The following RECQL5 variants were observed in gnomAD, a reference collection of about 807,000 sequenced individuals.
RECQL5 encodes RecQ like helicase 5, also known as ATP-dependent DNA helicase Q5.
A neutral mutation model predicts 103.4 loss-of-function variants in RECQL5; 88 were observed. That is an observed-to-expected ratio of 0.85 (90% CI 0.72 to 1.02). The LOEUF (loss-of-function observed/expected upper bound fraction) is 1.02, where lower values mean the gene tolerates loss of function less well. RECQL5 is among the 50% of genes least tolerant of loss of function. The probability of loss-of-function intolerance (pLI) is 0.00; values close to 1 mark genes in which losing one functional copy is unlikely to be tolerated. For synonymous variants in RECQL5, 552 were observed against 507.9 expected (o/e 1.09, Z -1.17); for missense variants, 1,232 against 1,284.3 (o/e 0.96, Z 0.62).
intron 8 of RECQL5, chr17:75,647,808 A>G (rs901752595): frequency 2.2e-6 from 1 of 461,746 alleles, no homozygotes; most frequent in South Asian, 3.6e-5. Context: ...GGGTTCCCCG[A>G]CCAGAACCCT....
intron 8 of RECQL5, chr17:75,633,651 G>A (rs746992195): frequency 1.5e-5 from 18 of 1,174,790 alleles, no homozygotes; most frequent in Non-Finnish European, 1.8e-5. Context: ...CCTGAGAGAG[G>A]CCAGAGGGAG....
rs552075479 is a variant in RECQL5, at chr17:75,628,430, T to A, written c.2593A>T (p.Ser865Cys). 6.2e-7 allele frequency: 1 copy of A among 1,613,472 alleles called. No individual in the cohort carries two copies. The highest frequency in any genetic ancestry group is 1.1e-5 in the South Asian group (1 of 91,078). Reference sequence around the variant, plus strand: ...GGGCGTGGCCTCTTCTGAGGCTGGCTCTCTGGGTTCTCCTGAGAAGGGCCA... The same window carrying A: ...GGGCGTGGCCTCTTCTGAGGCTGGCACTCTGGGTTCTCCTGAGAAGGGCCA... ...RPRSQQENPESQPQKRPRPSA... is the reference protein window; with the variant it reads ...RPRSQQENPECQPQKRPRPSA... Residue 865 changes from serine to cysteine, a missense_variant, in exon 18 of 20, where the codon AGC (serine) becomes TGC (cysteine). Coordinates refer to ENST00000317905, the MANE Select transcript of RECQL5 (RefSeq NM_004259.7).
chr17:75,665,228 G>T, intron 2 of RECQL5, 56 bp from the exon 3 acceptor site: 1 of 1,527,342 alleles, frequency 6.5e-7, no homozygotes, highest in Non-Finnish European at 9.0e-7. Context: ...CATTGAAGTT[G>T]TTGAAAATTA....
chr17:75,629,343 G>A lies in RECQL5; in HGVS notation c.2080C>T (p.Pro694Ser). The A allele has an allele frequency of 1.3e-6, 2 of 1,523,130 alleles. No homozygotes were observed. 94.4% of individuals were successfully genotyped at this position (1,523,130 alleles called of 1,614,324 possible). ...QPERGGEHEP[P>S]SRPCGLLDED... ...TCCAGGAGGCCACAGGGCCGGCTCG[G>A]GGGCTCGTGCTCGCCTCCCCGCTCG... Residue 694 changes from proline to serine, a missense_variant, in exon 16 of 20, where the codon CCG (proline) becomes TCG (serine). By Grantham distance (74) the Pro-to-Ser change is moderately conservative (BLOSUM62 -1). Transcript: ENST00000317905.
chr17:75,628,532 G>T, intron 17 of RECQL5, 90 bp from the exon 18 acceptor site: 2 of 1,530,552 alleles, frequency 1.3e-6, no homozygotes, highest in Non-Finnish European at 1.8e-6. Flanking sequence ...CGCACCAGCT[G>T]CCTCTCTCCA....
At chr17:75,630,744 C>T (rs1237602058) in intron 12 of RECQL5, 35 bp downstream of exon 12, 2 of 1,598,424 alleles carry the variant, frequency 1.3e-6, no homozygotes, top group Admixed American at 1.7e-5. Flanking sequence ...GGGGGAGGGC[C>T]CCGGCGGGTG....
Position 75,629,372 on chromosome 17 carries a change from T to TG in RECQL5, c.2050dup (p.Gln684ProfsTer20), listed in dbSNP as rs746404568. Reference sequence around the variant, plus strand: ...CTCGTGCTCGCCTCCCCGCTCGGGCTGGGGGGCTTGCTCCCTGATCCGAGT... The same window carrying TG: ...CTCGTGCTCGCCTCCCCGCTCGGGCTGGGGGGGCTTGCTCCCTGATCCGAGT... On this transcript the variant is annotated frameshift_variant, in exon 16 of 20. Coordinates refer to ENST00000317905, the MANE Select transcript of RECQL5 (RefSeq NM_004259.7). LOFTEE classifies it high-confidence loss of function. 6.0e-6 allele frequency: 9 copies of TG among 1,511,384 alleles called. No homozygotes were observed. In the African/African-American group the frequency reaches 9.8e-5, roughly 16 times the overall value. The allele number at this position is 1,511,384 out of a possible 1,614,324, so 93.6% of individuals were successfully genotyped here.
intron 3 of RECQL5, among the ~76,000 whole-genome samples, chr17:75,663,985 C>T (rs139384885): frequency 0.025 from 3,422 of 136,346 alleles, 59 homozygotes; most frequent in Non-Finnish European, 0.037. Flanking sequence ...ACCCGGGAGG[C>T]GGAGGTTGCG....
chr17:75,651,343 C>T (rs533526253), intron 7 of RECQL5, 78 bp from the exon 8 acceptor site: 42 of 1,541,864 alleles, frequency 2.7e-5, no homozygotes, highest in African/African-American at 2.2e-4. Flanking sequence ...ATGAGGAGGC[C>T]GAGTGCGGTG....
chr17:75,631,791 A>C (rs2059221317), intron 8 of RECQL5, 123 bp from the exon 9 acceptor site: 2 of 958,654 alleles, frequency 2.1e-6, no homozygotes, highest in South Asian at 3.1e-5. Flanking sequence ...CGGGAGCCCC[A>C]CACCCCTCAT....
intron 8 of RECQL5, chr17:75,647,680 C>T: frequency 3.0e-6 from 3 of 993,504 alleles, no homozygotes. Flanking sequence ...CTGGTGTCTT[C>T]CTTTCCCATC....
intron 8 of RECQL5, chr17:75,649,831 T>C (rs1599034748): frequency 1.0e-6 from 1 of 985,286 alleles, no homozygotes; most frequent in African/African-American, 1.7e-5. Context: ...CCTGGACTCC[T>C]TGAGTCCACA....
At chr17:75,635,864 G>T (rs2059311924) in intron 8 of RECQL5, 1 of 985,358 alleles carries the variant, frequency 1.0e-6, no homozygotes, top group South Asian at 4.7e-5. Flanking sequence ...GGCGCCTGGG[G>T]TTGGAGTATC....
In RECQL5 at chr17:75,628,741, C is replaced by G. The variant is rs1240904917; in HGVS notation, c.2511G>C (p.Gln837His). The G allele has an allele frequency of 1.3e-6, 2 of 1,592,568 alleles. No homozygotes were observed. The highest frequency in any genetic ancestry group is 1.4e-5 in the African/African-American group (1 of 73,356). Reference protein sequence around the residue: ...ERPSTCPPRDQGTPEVQPTPA... With the variant: ...ERPSTCPPRDHGTPEVQPTPA... ...GGGTGGGCTGGACTTCAGGGGTGCC[C>G]TGGTCTCTGGGCGGGCAGGTGCTGG... Residue 837 changes from glutamine to histidine, a missense_variant, in exon 17 of 20, where the codon CAG becomes CAC. Physicochemically the swap from Gln to His is conservative, Grantham distance 24 (BLOSUM62 0). Coordinates refer to ENST00000317905, the MANE Select transcript of RECQL5 (RefSeq NM_004259.7).
At position 75,640,884 on chromosome 17, in the gene RECQL5, C is replaced by T. The variant is rs1040226941; in HGVS notation, c.1230-9216G>A. On this transcript the variant is annotated intron_variant, in intron 8 of 19. Transcript: ENST00000317905. The surrounding 1 kb of genome is among the most constrained non-coding windows in gnomAD (Gnocchi z 4.6). ...AGAGGCAGGAAGGTCCAGGTGCAGC[C>T]GACACCACCATGACGGACGGGCGAT... The T allele has an allele frequency of 2.7e-5, 42 of 1,545,620 alleles. No homozygotes were observed. In the East Asian group the frequency reaches 5.1e-4, roughly 19 times the overall value.
chr17:75,654,977 G>A (rs954566756), intron 7 of RECQL5, among the ~76,000 whole-genome samples: 1 of 152,054 alleles, frequency 6.6e-6, no homozygotes, highest in Non-Finnish European at 1.5e-5. Flanking sequence ...ATATTTTGTA[G>A]AGATAAAGTC....
In RECQL5 at chr17:75,662,887, G is replaced by T; in HGVS notation, c.363C>A (p.Pro121=). 2 of 1,614,110 alleles carry T rather than the reference G, an allele frequency of 1.2e-6. No individual in the cohort carries two copies. Among genetic ancestry groups the T allele is most frequent in the Non-Finnish European group, 1.7e-6 (2 of 1,180,038 alleles). The change falls in exon 4 of 20, where the codon CCC becomes CCA. Residue 121 remains proline (P), a synonymous_variant. Transcript: ENST00000317905. ...GGGTGATGTACAGAATCTTGGTCTG[G>T]GGCTTTTCTCGCTCCAGGTCAGCAA... ...ELLADLEREK[P]QTKILYITPE... is the part of the protein sequence containing the mutation.
rs118163127 is a variant in RECQL5 at position 75,649,481 on chromosome 17, T to A, written c.1229+1705A>T. On this transcript the variant is annotated intron_variant, in intron 8 of 19. Coordinates refer to ENST00000317905, the MANE Select transcript of RECQL5 (RefSeq NM_004259.7). ...AACAAACTGACAAGAAACCTACAGCTTCCTTTGCAGAAATGCACCCACTTC... is the reference window on the plus strand; with the variant it reads ...AACAAACTGACAAGAAACCTACAGCATCCTTTGCAGAAATGCACCCACTTC... The A allele has an allele frequency of 7.9e-3, 2,020 of 254,208 alleles. 5 individuals carry two copies. Among genetic ancestry groups the A allele is most frequent in the Non-Finnish European group, 0.011 (1,801 of 161,444 alleles). 15.7% of individuals were successfully genotyped at this position (254,208 alleles called of 1,614,324 possible).
Position 75,662,897 on chromosome 17 carries a change from C to G in RECQL5, c.353G>C (p.Arg118Pro), listed in dbSNP as rs769096302. 1 of 1,614,128 alleles carries G rather than the reference C, an allele frequency of 6.2e-7. No homozygotes were observed. ...ERKELLADLE[R>P]EKPQTKILYI... ...CAGAATCTTGGTCTGGGGCTTTTCT[C>G]GCTCCAGGTCAGCAAGCAGCTCCTT... is the stretch of plus-strand genomic sequence containing the variant. The change falls in exon 4 of 20, where the codon CGA becomes CCA. Residue 118 changes from arginine (R) to proline (P), a missense_variant. Coordinates refer to ENST00000317905, the MANE Select transcript of RECQL5 (RefSeq NM_004259.7).
Sources: gnomAD v4.1 joint callset for allele counts (sites outside exome capture counted in the v4.1 genomes callset) on GRCh38, gnomAD v4.1.1 for gene constraint, Gnocchi (gnomAD v3.1) non-coding constraint, MANE v1.5 for transcripts, NCBI Gene and HGNC (gene_info 2026-07-23, HGNC 2026-07-21) for gene names.